The following ADH1B variants were observed in gnomAD, a reference collection of about 807,000 sequenced individuals.
ADH1B encodes alcohol dehydrogenase 1B (class I), beta polypeptide.
Under a neutral mutation model 34.6 loss-of-function variants are expected in ADH1B, and 29 were observed. That is an observed-to-expected ratio of 0.84 (90% confidence interval 0.62 to 1.14). The LOEUF is 1.14. ADH1B is among the 50% of genes most tolerant of loss of function. The pLI, the probability that ADH1B is intolerant of heterozygous loss-of-function variation, is 0.00. For synonymous variants in ADH1B, 170 were observed against 175.5 expected, an observed-to-expected ratio of 0.97 and a Z score of 0.25; for missense variants, 424 against 468.4, an observed-to-expected ratio of 0.91 and a Z score of 0.87.
At position 99,312,109 on chromosome 4, in the gene ADH1B, A is replaced by T. The variant is rs193288233; in HGVS notation, c.829-453T>A. On this transcript the variant is annotated intron_variant, in intron 6 of 8. Coordinates refer to ENST00000305046, the MANE Select transcript of ADH1B (RefSeq NM_000668.6). ...ATTGATTTTACATTAAAATACACTG[A>T]TCATTTGGGAACCTCAAGAAACAGT... 7.6e-4 allele frequency among the ~76,000 whole-genome samples: 116 copies of T among 152,288 alleles called. 1 individual carries two copies. Among genetic ancestry groups the T allele is most frequent in the African/African-American group, 2.6e-3 (110 of 41,574 alleles).
Position 99,316,009 on chromosome 4 carries a change from C to T in ADH1B, c.456G>A (p.Val152=), listed in dbSNP as rs1733874682. 1 of 1,614,212 alleles carries T rather than the reference C, an allele frequency of 6.2e-7. No homozygotes were observed. The highest frequency in any genetic ancestry group is 8.5e-7 in the Non-Finnish European group (1 of 1,180,038). ...LGTSTFSQYT[V]VDENAVAKID... Reference sequence around the variant, plus strand: ...TTTTGGCCACTGCATTCTCATCCACCACCGTGTACTGGGAGAAGGTGCTGG... The same window carrying T: ...TTTTGGCCACTGCATTCTCATCCACTACCGTGTACTGGGAGAAGGTGCTGG... Residue 152 remains valine (V), a synonymous_variant, in exon 5 of 9, where the codon GTG becomes GTA. Transcript: ENST00000305046.
chr4:99,306,602 T>C lies in ADH1B; in HGVS notation c.*1238A>G, dbSNP rs575940758. 6.6e-6 allele frequency: 1 copy of C among 152,360 alleles called. No individual in the cohort carries two copies. Among genetic ancestry groups the C allele is most frequent in the African/African-American group, 2.4e-5 (1 of 41,578 alleles). The allele number at this position is 152,360 out of a possible 1,614,324, so 9.4% of individuals were successfully genotyped here. On this transcript the variant is annotated 3_prime_UTR_variant, in exon 9 of 9. Coordinates refer to ENST00000305046, the MANE Select transcript of ADH1B (RefSeq NM_000668.6). The stretch of plus-strand genomic sequence containing the variant: ...CATTTTTGGAGACAGCTACCTCCTT[T>C]ACCAGGAATAATCTTTGCATGTCAC...
intron 5 of ADH1B, 133 bp from the exon 6 acceptor site, chr4:99,314,214 C>A: frequency 7.0e-7 from 1 of 1,422,372 alleles, no homozygotes. Context: ...ATCAAAACCT[C>A]TTTTGGCTTC....
chr4:99,313,473 G>A (rs992611166), intron 6 of ADH1B: 1 of 245,434 alleles, frequency 4.1e-6, no homozygotes, highest in Non-Finnish European at 7.7e-6. Flanking sequence ...GAATGTAGGA[G>A]AAAAATAAAA....
chr4:99,316,124 A>C lies in ADH1B; in HGVS notation c.348-7T>G. On this transcript the variant is annotated splice_region_variant and splice_polypyrimidine_tract_variant and intron_variant, in intron 4 of 8. Coordinates refer to ENST00000305046, the MANE Select transcript of ADH1B (RefSeq NM_000668.6). ...CCCCCGAGGATTGCCTAGACTGGGC[A>C]GTGCAATACACAGACACACAAAGGC... 1 of 1,614,180 alleles carries C rather than the reference A, an allele frequency of 6.2e-7. No individual in the cohort carries two copies. Among genetic ancestry groups the C allele is most frequent in the African/African-American group, 1.3e-5 (1 of 75,052 alleles).
At chr4:99,315,458 T>C (rs958262481) in intron 5 of ADH1B, 3 of 237,574 alleles carry the variant, frequency 1.3e-5, no homozygotes, top group African/African-American at 6.9e-5. Context: ...AGGTAAGGTT[T>C]TGGACTCTAC....
rs1020752278 is a variant in ADH1B, at chr4:99,306,350, A to T, written c.*1490T>A. The T allele has an allele frequency of 6.6e-6, 1 of 151,824 alleles. No individual in the cohort carries two copies. Among genetic ancestry groups the T allele is most frequent in the Non-Finnish European group, 1.5e-5 (1 of 67,992 alleles). 9.4% of individuals were successfully genotyped at this position (151,824 alleles called of 1,614,324 possible). The stretch of plus-strand genomic sequence containing the variant: ...TTGACAAAACAATCAGGTTACCCAC[A>T]TTTACATGGCCCTTCTTAATTGGCG... On this transcript the variant is annotated 3_prime_UTR_variant, in exon 9 of 9. Transcript: ENST00000305046.
intron 7 of ADH1B, 90 bp downstream of exon 7, chr4:99,311,431 T>C (rs2110631327): frequency 7.1e-7 from 1 of 1,416,718 alleles, no homozygotes; most frequent in Middle Eastern, 1.8e-4. Flanking sequence ...CCTTGTCAAT[T>C]GTAAAAGGGC....
At position 99,318,107 on chromosome 4, in the gene ADH1B, T is replaced by G; in HGVS notation, c.198A>C (p.Leu66Phe). 9 of 1,614,080 alleles carry G rather than the reference T, an allele frequency of 5.6e-6. No individual in the cohort carries two copies. Among genetic ancestry groups the G allele is most frequent in the Non-Finnish European group, 7.6e-6 (9 of 1,180,004 alleles). ...GNLVTPLPVILGHEAAGIVES... is the reference protein window; with the variant it reads ...GNLVTPLPVIFGHEAAGIVES... The stretch of plus-strand genomic sequence containing the variant: ...CCACGATGCCGGCTGCCTCATGGCC[T>G]AAAATCACAGGAAGGGGGGTCACCA... The change falls in exon 3 of 9, where the codon TTA (leucine) becomes TTC (phenylalanine). Residue 66 changes from leucine to phenylalanine, a missense_variant. Physicochemically the swap from Leu to Phe is conservative, Grantham distance 22. Coordinates refer to ENST00000305046, the MANE Select transcript of ADH1B (RefSeq NM_000668.6).
intron 6 of ADH1B, among the ~76,000 whole-genome samples, chr4:99,313,298 A>G (rs1315689034): frequency 6.6e-6 from 1 of 152,160 alleles, no homozygotes; most frequent in Non-Finnish European, 1.5e-5. Context: ...TTTCTGTGAT[A>G]AAATACAGTG....
At position 99,307,855 on chromosome 4, in the gene ADH1B, G is replaced by T. The variant is rs149544649; in HGVS notation, c.1113C>A (p.Thr371=). 2.5e-6 allele frequency: 4 copies of T among 1,613,768 alleles called. No homozygotes were observed. In the African/African-American group the frequency reaches 4.0e-5, roughly 16 times the overall value. The change falls in exon 9 of 9, where the codon ACC becomes ACA. Residue 371 remains threonine, a synonymous_variant. Coordinates refer to ENST00000305046, the MANE Select transcript of ADH1B (RefSeq NM_000668.6). ...CTCTATTGCCTCAAAACGTCAGGACGGTACGGATACTGCAATAGGAAAGAA... is the reference window on the plus strand; with the variant it reads ...CTCTATTGCCTCAAAACGTCAGGACTGTACGGATACTGCAATAGGAAAGAA... ...DLLHSGKSIR[T]VLTF
At chr4:99,312,322 T>A (rs1289210636) in intron 6 of ADH1B, among the ~76,000 whole-genome samples, 3 of 152,106 alleles carry the variant, frequency 2.0e-5, no homozygotes, top group African/African-American at 7.2e-5. Flanking sequence ...CAGTTCCACA[T>A]GAGAAAATGG....
chr4:99,319,745 G>A (rs1286861455), intron 1 of ADH1B: 1 of 152,060 alleles, frequency 6.6e-6, no homozygotes, highest in Non-Finnish European at 1.5e-5. Context: ...TCTTCGTTGT[G>A]GTAAAGCATG....
intron 1 of ADH1B, chr4:99,319,172 G>T (rs1452366447): frequency 6.5e-6 from 3 of 464,010 alleles, no homozygotes; most frequent in Non-Finnish European, 7.9e-6. Flanking sequence ...TTTATTCCTG[G>T]TATTTCCTAA....
At chr4:99,311,397 T>G in intron 7 of ADH1B, 124 bp downstream of exon 7, 2 of 1,208,800 alleles carry the variant, frequency 1.7e-6, no homozygotes, top group Non-Finnish European at 2.3e-6. Context: ...TTAAATTTAT[T>G]TTTGATTTGT....
chr4:99,318,241 A>G (rs1420738258), intron 2 of ADH1B, 57 bp from the exon 3 acceptor site: 11 of 1,598,882 alleles, frequency 6.9e-6, no homozygotes, highest in South Asian at 3.4e-5. Context: ...AGATGAATTT[A>G]ACATACCCAA....
intron 2 of ADH1B, chr4:99,318,503 ATAT>A: frequency 2.0e-6 from 1 of 509,722 alleles, no homozygotes; most frequent in Non-Finnish European, 3.4e-6. Context: ...AAAATATCTA[ATAT>A]TAATTGATTT....
intron 3 of ADH1B, chr4:99,317,716 C>T (rs28913917): frequency 1.4e-3 from 370 of 273,366 alleles, no homozygotes; most frequent in African/African-American, 7.2e-3. Context: ...CAGTGTTCAG[C>T]CAACACTAAC....
intron 6 of ADH1B, among the ~76,000 whole-genome samples, chr4:99,312,861 GA>G (rs28914769): frequency 8.6e-5 from 13 of 151,328 alleles, no homozygotes; most frequent in South Asian, 4.2e-4. Context: ...TCAAAAAAAA[GA>G]AAAAAAAGTC....
Sources: gnomAD v4.1 joint callset for allele counts (sites outside exome capture counted in the v4.1 genomes callset) on GRCh38, gnomAD v4.1.1 for gene constraint, MANE v1.5 for transcripts, NCBI Gene and HGNC (gene_info 2026-07-23, HGNC 2026-07-21) for gene names.